Variants in SRRM3 observed in about 807,000 individuals in gnomAD.
SRRM3 encodes the protein serine/arginine repetitive matrix 3.
Under a neutral mutation model 66.2 loss-of-function variants are expected in SRRM3, and 27 were observed. The observed-to-expected ratio is 0.41, with a 90% CI of 0.30 to 0.56. The LOEUF (loss-of-function observed/expected upper bound fraction) is 0.56, where lower values mean the gene tolerates loss of function less well. Among genes scored for constraint, SRRM3 ranks in the 20% least tolerant of loss-of-function variants. The probability of loss-of-function intolerance (pLI) is 0.32; values close to 1 mark genes in which losing one functional copy is unlikely to be tolerated. For missense variants in SRRM3, 918 were observed against 991.9 expected, an observed-to-expected ratio of 0.93 and a Z score of 1.00; for synonymous variants, 391 against 414.9, an observed-to-expected ratio of 0.94 and a Z score of 0.70.
In SRRM3 at chr7:76,264,862, G is replaced by A. The variant is rs111440768; in HGVS notation, c.725+47G>A. 1.2e-5 allele frequency: 19 copies of A among 1,591,564 alleles called. No individual in the cohort carries two copies. The South Asian group carries it at 1.2e-4, about 10-fold the overall frequency. ...CAGCCCCCCATTCGTTCTCCCTCCC[G>A]CCCCAGCAAACTACGCCTTTTAGAA... On this transcript the variant is annotated intron_variant, in intron 9 of 14. Transcript: ENST00000611745.
intron 2 of SRRM3, among the ~76,000 whole-genome samples, chr7:76,236,025 A>AAAAAAAAAAAAAAAAAAAAAAAAC (rs1801142389): frequency 6.9e-6 from 1 of 145,124 alleles, no homozygotes; most frequent in East Asian, 2.0e-4. Context: ...AAAAAAAAAA[A>AAAAAAAAAAAAAAAAAAAAAAAAC]AAAAAGGCCG....
At chr7:76,236,768 C>T (rs932140055) in intron 2 of SRRM3, among the ~76,000 whole-genome samples, 1 of 152,102 alleles carries the variant, frequency 6.6e-6, no homozygotes, top group Non-Finnish European at 1.5e-5. Flanking sequence ...GGGAGGAGGC[C>T]CCTTGCAGAG....
intron 3 of SRRM3, among the ~76,000 whole-genome samples, chr7:76,250,045 A>T (rs201458441): frequency 1.1e-5 from 1 of 90,002 alleles, no homozygotes; most frequent in Non-Finnish European, 2.5e-5. Context: ...TTATTTATTT[A>T]TTTTTATTTA....
chr7:76,247,509 A>C (rs1554606287), intron 2 of SRRM3, among the ~76,000 whole-genome samples: 1 of 152,114 alleles, frequency 6.6e-6, no homozygotes, highest in Non-Finnish European at 1.5e-5. Flanking sequence ...AAAATTCTCG[A>C]AAGAGCGACT....
intron 1 of SRRM3, among the ~76,000 whole-genome samples, chr7:76,229,462 C>A: frequency 6.6e-6 from 1 of 152,168 alleles, no homozygotes; most frequent in South Asian, 2.1e-4. Context: ...TACAATCCTT[C>A]ATATATTTGA....
At chr7:76,237,429 G>A (rs369615555) in intron 2 of SRRM3, among the ~76,000 whole-genome samples, 4 of 152,058 alleles carry the variant, frequency 2.6e-5, no homozygotes, top group South Asian at 4.2e-4. Context: ...AAATAAATTA[G>A]CCAGGCATGG....
intron 11 of SRRM3, among the ~76,000 whole-genome samples, chr7:76,280,633 T>C (rs1195831325): frequency 7.3e-6 from 1 of 137,416 alleles, no homozygotes. Context: ...TGAGCTGCAC[T>C]GTTGAGGCCA....
At chr7:76,252,357 T>A (rs531826884) in intron 3 of SRRM3, among the ~76,000 whole-genome samples, 7 of 152,230 alleles carry the variant, frequency 4.6e-5, no homozygotes, top group Non-Finnish European at 1.0e-4. Flanking sequence ...AGTCTCACTC[T>A]GTCATCCAGG....
intron 2 of SRRM3, among the ~76,000 whole-genome samples, chr7:76,237,747 T>C (rs1801185343): frequency 6.6e-6 from 1 of 152,074 alleles, no homozygotes; most frequent in African/African-American, 2.4e-5. Context: ...ACCTCCTTGA[T>C]GAACCCATCC....
chr7:76,268,522 C>T (rs1802130661), intron 11 of SRRM3: 1 of 152,248 alleles, frequency 6.6e-6, no homozygotes, highest in African/African-American at 2.4e-5. Flanking sequence ...GTCTCAGCAG[C>T]AAACATGTAC....
chr7:76,221,056 CTTTT>C (rs561559244), intron 1 of SRRM3, among the ~76,000 whole-genome samples: 2 of 138,154 alleles, frequency 1.4e-5, no homozygotes, highest in Non-Finnish European at 3.2e-5. Context: ...TCTTACCCGT[CTTTT>C]TTTTTTTTTT....
rs782542775 is a variant in SRRM3, at chr7:76,235,110, C to T, written c.44C>T (p.Thr15Ile). 6 of 1,587,638 alleles carry T rather than the reference C, an allele frequency of 3.8e-6. No individual in the cohort carries two copies. Among genetic ancestry groups the T allele is most frequent in the East Asian group, 2.3e-5 (1 of 43,762 alleles). Residue 15 changes from threonine (T) to isoleucine (I), a missense_variant, in exon 2 of 15, where the codon ACA (threonine) becomes ATA (isoleucine). By Grantham distance (89) the Thr-to-Ile change is moderately conservative. Transcript: ENST00000611745. ...AACGGGGCGGCCAGCATGCAGTCCA[C>T]ACCCGACGCCGCGAACGGCTTCCCG... The part of the protein sequence containing the change: ...VNNGAASMQS[T>I]PDAANGFPQP...
Position 76,283,039 on chromosome 7 carries a change from C to A in SRRM3, c.1671C>A (p.Tyr557Ter). Residue 557 changes from tyrosine to a stop codon, truncating the protein, a stop_gained, in exon 14 of 15, where the codon TAC becomes TAA. Coordinates refer to ENST00000611745, the MANE Select transcript of SRRM3 (RefSeq NM_001110199.3). LOFTEE classifies it high-confidence loss of function. ...ATRARRRSRSYSPIRKRRRDS... is the reference protein window; with the variant it reads ...ATRARRRSRS ...GCGCCCGGCGCCGCTCCCGCAGCTA[C>A]TCGCCCATCCGCAAGCGGCGCCGGG... is the stretch of plus-strand genomic sequence containing the variant. 6.7e-7 allele frequency: 1 copy of A among 1,494,266 alleles called. No homozygotes were observed. The highest frequency in any genetic ancestry group is 2.3e-4 in the Middle Eastern group (1 of 4,290). 92.6% of individuals were successfully genotyped at this position (1,494,266 alleles called of 1,614,324 possible).
chr7:76,251,475 C>T (rs930484239), intron 3 of SRRM3, among the ~76,000 whole-genome samples: 4 of 151,948 alleles, frequency 2.6e-5, no homozygotes, highest in East Asian at 1.9e-4. Context: ...CCCGGGTTCA[C>T]GCCATTCTCC....
At chr7:76,219,224 A>G (rs1554602940) in intron 1 of SRRM3, among the ~76,000 whole-genome samples, 1 of 152,042 alleles carries the variant, frequency 6.6e-6, no homozygotes, top group Non-Finnish European at 1.5e-5. Flanking sequence ...CAGTGTCCCC[A>G]CTGTCCTCTG....
At chr7:76,269,758 T>G (rs1583931922) in intron 11 of SRRM3, 1 of 100,944 alleles carries the variant, frequency 9.9e-6, no homozygotes. Flanking sequence ...TTTCCTTTCT[T>G]TTTTTTTTTC....
intron 1 of SRRM3, among the ~76,000 whole-genome samples, chr7:76,226,965 T>G (rs1444227772): frequency 6.6e-6 from 1 of 152,190 alleles, no homozygotes; most frequent in Non-Finnish European, 1.5e-5. Context: ...TTTGAGTCAT[T>G]GTTCAGTGGG....
intron 11 of SRRM3, chr7:76,273,608 G>C (rs1802264909): frequency 6.6e-6 from 1 of 152,152 alleles, no homozygotes; most frequent in Non-Finnish European, 1.5e-5. Context: ...AGGTATCCCA[G>C]CTCCGCTGTG....
intron 11 of SRRM3, among the ~76,000 whole-genome samples, chr7:76,280,719 C>T (rs541581053): frequency 6.6e-6 from 1 of 151,862 alleles, no homozygotes; most frequent in South Asian, 2.1e-4. Context: ...GGACTGGCAG[C>T]CCCCGGCTCG....
Sources: allele counts gnomAD v4.1 joint callset (sites outside exome capture counted in the v4.1 genomes callset), GRCh38; gene constraint gnomAD v4.1.1; transcripts MANE v1.5; gene names NCBI Gene and HGNC (gene_info 2026-07-23, HGNC 2026-07-21).